FRMD4A: variants seen among roughly 807,000 people sequenced by gnomAD.
FRMD4A encodes the protein FERM domain-containing protein 4A.
A neutral mutation model predicts 129.1 loss-of-function variants in FRMD4A; 29 were observed. The ratio of observed to expected loss-of-function variants is 0.22; its 90% CI spans 0.17 to 0.31. FRMD4A has a LOEUF of 0.31. FRMD4A is among the 10% of genes least tolerant of loss of function. FRMD4A has a pLI of 1.00. For synonymous variants in FRMD4A, 634 were observed against 571.6 expected, an observed-to-expected ratio of 1.11 and a Z score of -1.56; for missense variants, 1,272 against 1,375.8, an observed-to-expected ratio of 0.92 and a Z score of 1.19.
chr10:14,185,596 C>T (rs972951714), intron 2 of FRMD4A, among the ~76,000 whole-genome samples: 1 of 148,116 alleles, frequency 6.8e-6, no homozygotes, highest in African/African-American at 2.5e-5. Flanking sequence ...GAAAGAGAAA[C>T]AGGTAGAGAG....
chr10:14,275,606 G>A (rs922850159), intron 2 of FRMD4A, among the ~76,000 whole-genome samples: 3 of 152,190 alleles, frequency 2.0e-5, no homozygotes, highest in Non-Finnish European at 2.9e-5. Context: ...AGTTCAGTTC[G>A]TTTTAAAGTT....
At chr10:13,755,165 A>AATTTTC (rs1435741167) in intron 8 of FRMD4A, among the ~76,000 whole-genome samples, 22 of 152,206 alleles carry the variant, frequency 1.4e-4, no homozygotes, top group African/African-American at 5.3e-4. Context: ...ACTCAAAAAA[A>AATTTTC]GTCTTTTAGA....
chr10:13,900,320 T>C (rs960572628), intron 2 of FRMD4A, among the ~76,000 whole-genome samples: 1 of 151,966 alleles, frequency 6.6e-6, no homozygotes, highest in Non-Finnish European at 1.5e-5. Flanking sequence ...AGTTTTGTTG[T>C]GTTCTCATTA....
chr10:14,115,756 A>G (rs756372292), intron 2 of FRMD4A, among the ~76,000 whole-genome samples: 4 of 152,148 alleles, frequency 2.6e-5, no homozygotes, highest in Non-Finnish European at 4.4e-5. Context: ...TTCCACCATG[A>G]TTGGAAGCTT....
At chr10:13,768,363 G>A (rs2092353845) in intron 6 of FRMD4A, among the ~76,000 whole-genome samples, 1 of 152,316 alleles carries the variant, frequency 6.6e-6, no homozygotes, top group South Asian at 2.1e-4. Context: ...TTTGCTCAGA[G>A]GGACTTGGTG....
chr10:13,860,163 T>C (rs1327455077), intron 2 of FRMD4A, among the ~76,000 whole-genome samples: 4 of 152,206 alleles, frequency 2.6e-5, no homozygotes, highest in African/African-American at 9.7e-5. Flanking sequence ...GCACTCTAAA[T>C]ACCTTTACTG....
At chr10:14,320,774 C>T (rs1426015100) in intron 2 of FRMD4A, among the ~76,000 whole-genome samples, 1 of 152,234 alleles carries the variant, frequency 6.6e-6, no homozygotes, top group African/African-American at 2.4e-5. Context: ...CAGGAAGCAG[C>T]CAATCAATAC....
Position 13,895,520 on chromosome 10 carries a change from C to T in FRMD4A, c.46-36608G>A, listed in dbSNP as rs1030544137. ...TACCTGGCACAAGATCTCTTTACCC[C>T]TCCCAAAACCTTTTGTGCTTGGGGG... On this transcript the variant is annotated intron_variant, in intron 2 of 24. Coordinates refer to ENST00000357447, the MANE Select transcript of FRMD4A (RefSeq NM_018027.5). Among the ~76,000 whole-genome samples, 6 of 152,272 alleles carry T rather than the reference C, an allele frequency of 3.9e-5. No individual in the cohort carries two copies. In the South Asian group the frequency reaches 1.0e-3, roughly 26 times the overall value.
Position 14,264,705 on chromosome 10 carries a change from T to G in FRMD4A, c.45+65353A>C, listed in dbSNP as rs147716986. On this transcript the variant is annotated intron_variant, in intron 2 of 24. Coordinates refer to ENST00000357447, the MANE Select transcript of FRMD4A (RefSeq NM_018027.5). ...CCCTTTGACCCTAACTTTTGCTTCC[T>G]CTAGATTTCATTGATACAAGAAAGA... Among the ~76,000 whole-genome samples, 13 of 152,372 alleles carry G rather than the reference T, an allele frequency of 8.5e-5. No individual in the cohort carries two copies. In the East Asian group the frequency reaches 2.5e-3, roughly 29 times the overall value.
chr10:13,746,481 G>A (rs938933208), intron 9 of FRMD4A, among the ~76,000 whole-genome samples: 11 of 151,944 alleles, frequency 7.2e-5, no homozygotes, highest in African/African-American at 2.2e-4. Flanking sequence ...CCAAAGTGCT[G>A]GGATTATGAG....
chr10:13,892,027 G>GC (rs577257969), intron 2 of FRMD4A, among the ~76,000 whole-genome samples: 6,568 of 136,698 alleles, frequency 0.048, 530 homozygotes, highest in African/African-American at 0.17. Context: ...GCGCGCCCCC[G>GC]CCCCCCCAGA....
intron 6 of FRMD4A, among the ~76,000 whole-genome samples, chr10:13,775,458 A>C (rs2092574082): frequency 6.6e-6 from 1 of 152,138 alleles, no homozygotes; most frequent in Non-Finnish European, 1.5e-5. Flanking sequence ...ATCCAGTCAA[A>C]CTATTCATTA....
chr10:13,683,971 A>C (rs1309431987), intron 15 of FRMD4A: 1 of 152,050 alleles, frequency 6.6e-6, no homozygotes, highest in African/African-American at 2.4e-5. Context: ...TGACTCCCAA[A>C]GTGCTGGGAT....
chr10:13,795,605 T>C (rs138053330), intron 5 of FRMD4A, among the ~76,000 whole-genome samples: 1 of 152,224 alleles, frequency 6.6e-6, no homozygotes, highest in African/African-American at 2.4e-5. Context: ...AACAGAGTTG[T>C]ATGGCATGGG....
chr10:13,685,562 G>C, intron 15 of FRMD4A: 1 of 985,224 alleles, frequency 1.0e-6, no homozygotes, highest in African/African-American at 1.7e-5. Context: ...GTGAATTTCA[G>C]TCATCCTCAT....
At chr10:13,841,989 T>C (rs975889833) in intron 3 of FRMD4A, among the ~76,000 whole-genome samples, 1 of 152,188 alleles carries the variant, frequency 6.6e-6, no homozygotes, top group Non-Finnish European at 1.5e-5. Context: ...TGCACCGCGA[T>C]ATTACAACTA....
intron 2 of FRMD4A, among the ~76,000 whole-genome samples, chr10:14,278,441 A>G (rs1475058371): frequency 4.6e-5 from 7 of 152,184 alleles, no homozygotes; most frequent in African/African-American, 1.7e-4. Context: ...TTTTGAAAAC[A>G]CTTATCAAAG....
chr10:14,127,967 TTTCTTTCTTTCC>T (rs1455708644), intron 2 of FRMD4A, among the ~76,000 whole-genome samples: 1,402 of 32,686 alleles, frequency 0.043, 84 homozygotes, highest in Middle Eastern at 0.098. Context: ...TCTTTCTTTC[TTTCTTTCTTTCC>T]TTCTCTCTCT....
At chr10:13,773,264 C>T (rs763155207) in intron 6 of FRMD4A, among the ~76,000 whole-genome samples, 10 of 152,132 alleles carry the variant, frequency 6.6e-5, no homozygotes, top group Non-Finnish European at 1.0e-4. Context: ...TCATAAAACC[C>T]GACCTGCCCT....
Sources: gnomAD v4.1 joint callset for allele counts (sites outside exome capture counted in the v4.1 genomes callset) on GRCh38, gnomAD v4.1.1 for gene constraint, MANE v1.5 for transcripts, NCBI Gene and HGNC (gene_info 2026-07-23, HGNC 2026-07-21) for gene names.